KMT2C: variants seen among roughly 807,000 people sequenced by gnomAD.
The protein encoded by KMT2C is histone-lysine N-methyltransferase 2C.
KMT2C carries 88 observed loss-of-function variants against 507.9 expected under a neutral mutation model. The observed-to-expected ratio is 0.17, with a 90% CI of 0.15 to 0.21. The LOEUF (loss-of-function observed/expected upper bound fraction) is 0.21. Ranked by LOEUF, KMT2C falls within the 10% of genes least tolerant of loss-of-function variation. The pLI is 1.00. For synonymous variants in KMT2C, 2,049 were observed against 2,080.8 expected (o/e 0.98, Z 0.42); for missense variants, 4,954 against 5,957.8 (o/e 0.83, Z 5.55).
At chr7:152,223,942 T>C (rs1342628793) in intron 20 of KMT2C, 73 bp downstream of exon 20, 1 of 1,170,054 alleles carries the variant, frequency 8.5e-7, no homozygotes, top group Middle Eastern at 3.1e-4. Flanking sequence ...GGAAAAGCTA[T>C]TTTCCATTTG....
chr7:152,428,458 CA>C lies in KMT2C; in HGVS notation c.161+7167del, dbSNP rs140697569. On this transcript the variant is annotated intron_variant, in intron 1 of 58. Transcript: ENST00000262189. ...TGAAACCCCGTCTCTACTAAAAATA[CA>C]AAAAAAAAAAAAAAAAAAAAAACTA... 3.0e-3 allele frequency among the ~76,000 whole-genome samples: 221 copies of C among 73,518 alleles called. 1 individual carries two copies. Among genetic ancestry groups the C allele is most frequent in the East Asian group, 0.029 (63 of 2,136 alleles). 48.2% of individuals were successfully genotyped at this position (73,518 alleles called of 152,430 possible). A position where few individuals can be genotyped will look rare whatever the true frequency, so the allele number is the denominator to read the frequency against.
chr7:152,156,997 G>A (rs1041506317), intron 44 of KMT2C, among the ~76,000 whole-genome samples: 1 of 152,080 alleles, frequency 6.6e-6, no homozygotes, highest in East Asian at 1.9e-4. Context: ...TGCAAATCAA[G>A]TGCAAAGTCA....
intron 14 of KMT2C, among the ~76,000 whole-genome samples, chr7:152,245,633 G>T (rs371030565): frequency 3.4e-4 from 49 of 146,218 alleles, no homozygotes; most frequent in South Asian, 4.4e-4. Context: ...CCAATCACTA[G>T]CTATCACAAA....
At chr7:152,356,101 G>A (rs985505668) in intron 2 of KMT2C, among the ~76,000 whole-genome samples, 3 of 152,056 alleles carry the variant, frequency 2.0e-5, no homozygotes, top group East Asian at 1.9e-4. Context: ...AACAACATAC[G>A]GGTAGGGATG....
intron 16 of KMT2C, among the ~76,000 whole-genome samples, chr7:152,232,975 T>C (rs570359639): frequency 2.0e-4 from 31 of 152,290 alleles, no homozygotes; most frequent in Middle Eastern, 3.4e-3. Flanking sequence ...AGATCCATTA[T>C]TATTTTTAAA....
chr7:152,258,644 C>A (rs1219129597), intron 9 of KMT2C, among the ~76,000 whole-genome samples: 2 of 152,068 alleles, frequency 1.3e-5, no homozygotes, highest in Admixed American at 1.3e-4. Context: ...CCTGTCTCGG[C>A]ATCCTGAGTA....
chr7:152,151,083 T>C (rs1374032173), intron 50 of KMT2C, 76 bp from the exon 51 acceptor site: 1 of 858,856 alleles, frequency 1.2e-6, no homozygotes, highest in Non-Finnish European at 1.8e-6. Context: ...ACATTATTTT[T>C]ATGTTATATT....
rs1387242415 is a variant in KMT2C at position 152,144,373 on chromosome 7, AT to A, written c.14343+339del. 6.6e-6 allele frequency among the ~76,000 whole-genome samples: 1 copy of A among 152,178 alleles called. No individual in the cohort carries two copies. Among genetic ancestry groups the A allele is most frequent in the Non-Finnish European group, 1.5e-5 (1 of 68,038 alleles). ...TGGTGTACCTTTGGAAAATATTTTC[AT>A]TTGTATTTCTCTCAAGTGCTTGAAA... On this transcript the variant is annotated intron_variant, in intron 55 of 58. Coordinates refer to ENST00000262189, the MANE Select transcript of KMT2C (RefSeq NM_170606.3). This position sits in a 1 kb window ranked among gnomAD's most constrained non-coding sequence, Gnocchi z 4.4.
At chr7:152,281,325 T>C (rs2096204212) in intron 6 of KMT2C, among the ~76,000 whole-genome samples, 2 of 152,146 alleles carry the variant, frequency 1.3e-5, no homozygotes, top group African/African-American at 2.4e-5. Flanking sequence ...GTTTATAGAA[T>C]TTCATAATTT....
At position 152,247,983 on chromosome 7, in the gene KMT2C, G is replaced by C. The variant is rs2095503649; in HGVS notation, c.2451C>G (p.Ile817Met). The change falls in exon 14 of 59, where the codon ATC becomes ATG. Residue 817 changes from isoleucine (I) to methionine (M), a missense_variant. Coordinates refer to ENST00000262189, the MANE Select transcript of KMT2C (RefSeq NM_170606.3). ...SAGNIMPTTY[I>M]SVTPKIGMGK... is the part of the protein sequence containing the mutation. ...CCATGCCAATTTTTGGAGTGACTGA[G>C]ATGTAAGTTGTTGGCATGATGTTTC... 1 of 1,614,130 alleles carries C rather than the reference G, an allele frequency of 6.2e-7. No homozygotes were observed. Among genetic ancestry groups the C allele is most frequent in the Admixed American group, 1.7e-5 (1 of 60,012 alleles).
chr7:152,156,350 C>T lies in KMT2C; in HGVS notation c.11671-4G>A, dbSNP rs2129099874. Reference sequence around the variant, plus strand: ...GAGGATTACTTAAATTATTCTGCTGCAGGAGACCAAAAAATTTAAATTATA... The same window carrying T: ...GAGGATTACTTAAATTATTCTGCTGTAGGAGACCAAAAAATTTAAATTATA... On this transcript the variant is annotated splice_region_variant and splice_polypyrimidine_tract_variant and intron_variant, in intron 44 of 58. Transcript: ENST00000262189. The T allele has an allele frequency of 1.2e-6, 2 of 1,613,368 alleles. No individual in the cohort carries two copies. The highest frequency in any genetic ancestry group is 1.1e-5 in the South Asian group (1 of 91,006).
intron 42 of KMT2C, 41 bp from the exon 43 acceptor site, chr7:152,163,867 A>G: frequency 1.9e-6 from 3 of 1,573,766 alleles, no homozygotes; most frequent in Non-Finnish European, 2.6e-6. Context: ...TCTATACAGC[A>G]TAGGTACTGA....
chr7:152,392,973 T>TAGTCCCAGCTACTCTGG (rs2097511638), intron 1 of KMT2C, among the ~76,000 whole-genome samples: 1 of 152,192 alleles, frequency 6.6e-6, no homozygotes, highest in Admixed American at 6.5e-5. Context: ...TATGCACCTG[T>TAGTCCCAGCTACTCTGG]AGTCCCAGCT....
chr7:152,224,963 T>C (rs1192995476), intron 18 of KMT2C, among the ~76,000 whole-genome samples: 1 of 152,150 alleles, frequency 6.6e-6, no homozygotes, highest in East Asian at 1.9e-4. Flanking sequence ...AATTTGAAAA[T>C]ACATCAACAA....
chr7:152,315,377 T>G lies in KMT2C; in HGVS notation c.390-39A>C, dbSNP rs1030896534. The G allele has an allele frequency of 6.0e-6, 9 of 1,489,430 alleles. No homozygotes were observed. The East Asian group carries it at 1.8e-4, about 30-fold the overall frequency. The allele number at this position is 1,489,430 out of a possible 1,614,324, so 92.3% of individuals were successfully genotyped here. On this transcript the variant is annotated intron_variant, in intron 3 of 58. Coordinates refer to ENST00000262189, the MANE Select transcript of KMT2C (RefSeq NM_170606.3). ...AATGTAAGTCAGAGAAGGAGAAAAG[T>G]AGCTTTATTCAACTGCTTTAAGCGA... is the stretch of plus-strand genomic sequence containing the variant.
At chr7:152,351,223 T>C (rs922112399) in intron 2 of KMT2C, among the ~76,000 whole-genome samples, 8 of 152,286 alleles carry the variant, frequency 5.3e-5, no homozygotes, top group African/African-American at 1.9e-4. Context: ...ATAGTAAATA[T>C]ATAAACCAGT....
At chr7:152,276,293 A>G (rs1186331225) in intron 6 of KMT2C, among the ~76,000 whole-genome samples, 4 of 152,214 alleles carry the variant, frequency 2.6e-5, no homozygotes, top group African/African-American at 9.6e-5. Context: ...ATCGTAGACA[A>G]TATCAAAGAA....
chr7:152,260,048 T>C (rs2129170960), intron 9 of KMT2C, among the ~76,000 whole-genome samples: 1 of 152,308 alleles, frequency 6.6e-6, no homozygotes, highest in Non-Finnish European at 1.5e-5. Flanking sequence ...TACCACTTCA[T>C]TAAATCCAAC....
chr7:152,188,894 C>A (rs1037575422), intron 31 of KMT2C, among the ~76,000 whole-genome samples: 3 of 152,092 alleles, frequency 2.0e-5, no homozygotes, highest in Non-Finnish European at 4.4e-5. Flanking sequence ...CAGGTGTGAG[C>A]CACTGTGTCC....
Sources: allele counts gnomAD v4.1 joint callset (sites outside exome capture counted in the v4.1 genomes callset), GRCh38; gene constraint gnomAD v4.1.1; non-coding constraint Gnocchi (gnomAD v3.1); transcripts MANE v1.5; gene names NCBI Gene and HGNC (gene_info 2026-07-23, HGNC 2026-07-21).